RABGAP1L: variants seen among roughly 807,000 people sequenced by gnomAD.
RABGAP1L encodes RAB GTPase activating protein 1 like.
Under a neutral mutation model 137.7 loss-of-function variants are expected in RABGAP1L, and 63 were observed. The observed-to-expected ratio is 0.46, with a 90% CI of 0.37 to 0.56. The LOEUF (loss-of-function observed/expected upper bound fraction) is 0.56. Among genes scored for constraint, RABGAP1L ranks in the 20% least tolerant of loss-of-function variants. The pLI is 0.00. For missense variants in RABGAP1L, 1,095 were observed against 1,244.0 expected (o/e 0.88, Z 1.80); for synonymous variants, 431 against 433.7 (o/e 0.99, Z 0.08).
intron 19 of RABGAP1L, among the ~76,000 whole-genome samples, chr1:174,903,680 G>A (rs1459901743): frequency 0.042 from 5 of 118 alleles, no homozygotes; most frequent in African/African-American, 0.071. Flanking sequence ...GGCTGAGTGC[G>A]GTACTAACGC....
At chr1:174,550,895 T>TACAC (rs1395408033) in intron 13 of RABGAP1L, among the ~76,000 whole-genome samples, 27 of 50,948 alleles carry the variant, frequency 5.3e-4, no homozygotes, top group South Asian at 1.2e-3. Flanking sequence ...TATATATATA[T>TACAC]ACACACACAC....
At chr1:174,933,373 A>G (rs1664189616) in intron 19 of RABGAP1L, among the ~76,000 whole-genome samples, 1 of 152,070 alleles carries the variant, frequency 6.6e-6, no homozygotes, top group Non-Finnish European at 1.5e-5. Flanking sequence ...GCTCCAACAC[A>G]TCTGTGTCAG....
intron 13 of RABGAP1L, among the ~76,000 whole-genome samples, chr1:174,496,838 A>G (rs1049261663): frequency 5.3e-5 from 8 of 152,206 alleles, no homozygotes; most frequent in East Asian, 3.9e-4. Context: ...GACTGCTTTA[A>G]ACTAGGAGAC....
At chr1:174,252,135 T>G (rs1342265995) in intron 6 of RABGAP1L, among the ~76,000 whole-genome samples, 7 of 152,214 alleles carry the variant, frequency 4.6e-5, no homozygotes, top group Non-Finnish European at 1.0e-4. Flanking sequence ...TCTCAAGTGA[T>G]CAGCCTGCCT....
chr1:174,617,400 G>A (rs751158111), intron 13 of RABGAP1L, among the ~76,000 whole-genome samples: 1 of 152,146 alleles, frequency 6.6e-6, no homozygotes, highest in African/African-American at 2.4e-5. Context: ...AACAAAAAAT[G>A]CTCCATCATA....
chr1:174,262,931 T>G (rs1222159633), intron 7 of RABGAP1L, among the ~76,000 whole-genome samples: 1 of 152,246 alleles, frequency 6.6e-6, no homozygotes, highest in African/African-American at 2.4e-5. Context: ...GTTACATTTA[T>G]TGTTTTCTTG....
intron 19 of RABGAP1L, chr1:174,938,467 C>T (rs1665280055): frequency 6.6e-6 from 1 of 152,176 alleles, no homozygotes; most frequent in Non-Finnish European, 1.5e-5. Flanking sequence ...AAGTTTGTGA[C>T]AGAGTGAGTT....
chr1:174,852,874 A>T (rs1648614335), intron 19 of RABGAP1L, among the ~76,000 whole-genome samples: 1 of 151,990 alleles, frequency 6.6e-6, no homozygotes, highest in Non-Finnish European at 1.5e-5. Context: ...TAAACAACTG[A>T]TTTTAATGAC....
At chr1:174,699,463 T>A in intron 15 of RABGAP1L, 62 bp from the exon 16 acceptor site, 1 of 1,513,298 alleles carries the variant, frequency 6.6e-7, no homozygotes, top group South Asian at 1.2e-5. Context: ...ATGAAGGAAC[T>A]TTTTTGACAT....
intron 12 of RABGAP1L, among the ~76,000 whole-genome samples, chr1:174,372,530 C>A (rs577094102): frequency 1.3e-5 from 2 of 152,164 alleles, no homozygotes; most frequent in African/African-American, 4.8e-5. Context: ...TAACAAGGGT[C>A]ATTAATGAAG....
chr1:174,465,894 GGAGA>G (rs1231969815), intron 13 of RABGAP1L, among the ~76,000 whole-genome samples: 1 of 152,182 alleles, frequency 6.6e-6, no homozygotes, highest in Non-Finnish European at 1.5e-5. Context: ...TAGTTATGTG[GGAGA>G]TGAAGCTGTC....
intron 12 of RABGAP1L, among the ~76,000 whole-genome samples, chr1:174,390,433 C>T (rs1367241394): frequency 6.6e-6 from 1 of 152,068 alleles, no homozygotes; most frequent in Non-Finnish European, 1.5e-5. Context: ...CGTGTGTATG[C>T]ATGTGTAGGA....
intron 7 of RABGAP1L, among the ~76,000 whole-genome samples, chr1:174,268,415 G>A (rs1558085318): frequency 1.3e-5 from 2 of 152,010 alleles, no homozygotes; most frequent in African/African-American, 4.8e-5. Context: ...ATGTTAGCCA[G>A]GATGGTCTCG....
intron 13 of RABGAP1L, among the ~76,000 whole-genome samples, chr1:174,463,070 TA>T (rs1478875671): frequency 6.6e-6 from 1 of 152,120 alleles, no homozygotes; most frequent in Non-Finnish European, 1.5e-5. Flanking sequence ...GGTGGGACTG[TA>T]AACTAGTTCA....
At chr1:174,674,593 G>T (rs1483777265) in intron 14 of RABGAP1L, among the ~76,000 whole-genome samples, 3 of 151,116 alleles carry the variant, frequency 2.0e-5, no homozygotes, top group Non-Finnish European at 3.0e-5. Context: ...AGTCATTTGG[G>T]TATATACCCA....
intron 13 of RABGAP1L, among the ~76,000 whole-genome samples, chr1:174,446,643 G>A (rs1654799271): frequency 6.6e-6 from 1 of 152,118 alleles, no homozygotes; most frequent in Non-Finnish European, 1.5e-5. Flanking sequence ...TACTTTAGAG[G>A]TATTTTAAAA....
chr1:174,635,009 T>A (rs1388990012), intron 13 of RABGAP1L, among the ~76,000 whole-genome samples: 1 of 149,962 alleles, frequency 6.7e-6, no homozygotes, highest in East Asian at 1.9e-4. Context: ...AATGTGCACA[T>A]GTACCCTAAA....
rs59466931 is a variant in RABGAP1L, at chr1:174,271,947, G to A, written c.987-467G>A. On this transcript the variant is annotated intron_variant, in intron 7 of 25. Coordinates refer to ENST00000681986, the MANE Select transcript of RABGAP1L (RefSeq NM_001366446.1). ...AGTGAACATGACTGTGGAGGGCCAG[G>A]GTAACAACAGTTTGCTTTCTTTTTA... is the stretch of plus-strand genomic sequence containing the variant. Among the ~76,000 whole-genome samples the A allele has an allele frequency of 5.2e-3, 792 of 151,822 alleles. 9 individuals are homozygous for A. Among genetic ancestry groups the A allele is most frequent in the African/African-American group, 0.018 (751 of 41,454 alleles).
intron 14 of RABGAP1L, among the ~76,000 whole-genome samples, chr1:174,650,260 A>G (rs1020565481): frequency 2.6e-5 from 4 of 152,142 alleles, no homozygotes; most frequent in African/African-American, 4.8e-5. Context: ...GGATTTTTGC[A>G]TCAGTGTTCA....
Sources: gnomAD v4.1 joint callset for allele counts (sites outside exome capture counted in the v4.1 genomes callset) on GRCh38, gnomAD v4.1.1 for gene constraint, MANE v1.5 for transcripts, NCBI Gene and HGNC (gene_info 2026-07-23, HGNC 2026-07-21) for gene names.